The following HOXB3 variants were observed in gnomAD, a reference collection of about 807,000 sequenced individuals.
The protein encoded by HOXB3 is homeobox protein Hox-B3.
A neutral mutation model predicts 29.2 loss-of-function variants in HOXB3; 17 were observed. The ratio of observed to expected loss-of-function variants is 0.58; its 90% CI spans 0.40 to 0.87. The LOEUF is 0.87. Among genes scored for constraint, HOXB3 ranks in the 40% least tolerant of loss-of-function variants. The pLI is 0.00. For missense variants in HOXB3, 637 were observed against 616.3 expected (o/e 1.03, Z -0.35); for synonymous variants, 317 against 285.9 (o/e 1.11, Z -1.10).
At chr17:48,555,696 AC>A in intron 2 of HOXB3, 78 bp from the exon 3 acceptor site, 3 of 487,676 alleles carry the variant, frequency 6.2e-6, no homozygotes, top group South Asian at 5.0e-5. Flanking sequence ...CCGCAAAGCC[AC>A]CCCGGCTGGG....
intron 3 of HOXB3, 154 bp downstream of exon 3, chr17:48,555,361 AGAGGGAGGGAGGGAGG>A: frequency 2.4e-6 from 1 of 417,904 alleles, no homozygotes; most frequent in South Asian, 2.2e-5. Context: ...AGAGAGAGAG[AGAGGGAGGGAGGGAGG>A]GAGGGAGGGA....
intron 1 of HOXB3, among the ~76,000 whole-genome samples, chr17:48,586,422 A>AC (rs1269748107): frequency 6.6e-6 from 1 of 151,842 alleles, no homozygotes; most frequent in Non-Finnish European, 1.5e-5. Flanking sequence ...GCGTGCCCCC[A>AC]CCCCCGGTCT....
chr17:48,576,753 C>A, intron 1 of HOXB3: 2 of 1,611,692 alleles, frequency 1.2e-6, no homozygotes, highest in South Asian at 2.2e-5. Flanking sequence ...ATTGGGCCGG[C>A]CAGGGGGCCC....
At chr17:48,575,717 A>G (rs1476135748) in intron 1 of HOXB3, 1 of 144,986 alleles carries the variant, frequency 6.9e-6, no homozygotes, top group African/African-American at 2.8e-5. Flanking sequence ...AAACGATGCA[A>G]CATAATAAAC....
rs2068895611 is a variant in HOXB3 at position 48,554,790 on chromosome 17, T to G, written c.-159+741A>C. On this transcript the variant is annotated intron_variant, in intron 3 of 4. Coordinates refer to ENST00000498678, the MANE Select transcript of HOXB3 (RefSeq NM_001384749.1). This position sits in a 1 kb window ranked among gnomAD's most constrained non-coding sequence, Gnocchi z 4.1. ...CCGAATTAAAAGGCGCCTTAGAAAC[T>G]CCGCTTCGGGACTTTGCTCAGCAGG... is the stretch of plus-strand genomic sequence containing the variant. 1.4e-6 allele frequency: 1 copy of G among 702,062 alleles called. No individual in the cohort carries two copies. The highest frequency in any genetic ancestry group is 1.7e-5 in the African/African-American group (1 of 57,188). 43.5% of individuals were successfully genotyped at this position (702,062 alleles called of 1,614,324 possible).
chr17:48,564,065 C>A (rs1334099483), intron 2 of HOXB3, among the ~76,000 whole-genome samples: 1 of 151,988 alleles, frequency 6.6e-6, no homozygotes, highest in South Asian at 2.1e-4. Context: ...TTGAAGCCCC[C>A]ACCCTGCCTT....
chr17:48,550,800 T>G lies in HOXB3; in HGVS notation c.830A>C (p.Asn277Thr). 6 of 1,613,150 alleles carry G rather than the reference T, an allele frequency of 3.7e-6. No homozygotes were observed. Among genetic ancestry groups the G allele is most frequent in the Non-Finnish European group, 5.1e-6 (6 of 1,179,596 alleles). Reference sequence around the variant, plus strand: ...GCTGGGGGTCATGGAGTGTAAGGCGTTCATGAAGCCGGCCGTGGACTGCAT... The same window carrying G: ...GCTGGGGGTCATGGAGTGTAAGGCGGTCATGAAGCCGGCCGTGGACTGCAT... ...QPMQSTAGFM[N>T]ALHSMTPSYE... is the part of the protein sequence containing the mutation. The change falls in exon 5 of 5, where the codon AAC becomes ACC. Residue 277 changes from asparagine (N) to threonine (T), a missense_variant. Asn to Thr is a moderately conservative substitution (Grantham distance 65). Coordinates refer to ENST00000498678, the MANE Select transcript of HOXB3 (RefSeq NM_001384749.1).
intron 1 of HOXB3, chr17:48,579,139 T>C (rs76643088): frequency 5.9e-5 from 9 of 152,392 alleles, no homozygotes; most frequent in African/African-American, 1.4e-4. Flanking sequence ...CCTTCTCCTA[T>C]CCACTCCTCC....
chr17:48,554,819 C>T lies in HOXB3; in HGVS notation c.-159+712G>A. On this transcript the variant is annotated intron_variant, in intron 3 of 4. Transcript: ENST00000498678. The surrounding 1 kb of genome is among the most constrained non-coding windows in gnomAD (Gnocchi z 4.1). The stretch of plus-strand genomic sequence containing the variant: ...CTTCGGGACTTTGCTCAGCAGGGCT[C>T]CGGGTTGGAGGGCGCCGAGGCCTGG... 1 of 702,254 alleles carries T rather than the reference C, an allele frequency of 1.4e-6. No homozygotes were observed. The highest frequency in any genetic ancestry group is 2.6e-6 in the Non-Finnish European group (1 of 384,786). 43.5% of individuals were successfully genotyped at this position (702,254 alleles called of 1,614,324 possible).
At chr17:48,574,462 G>A (rs1455671913) in intron 1 of HOXB3, 1 of 152,278 alleles carries the variant, frequency 6.6e-6, no homozygotes, top group Non-Finnish European at 1.5e-5. Context: ...CCAACTACCG[G>A]AGCTGCAAGC....
intron 2 of HOXB3, among the ~76,000 whole-genome samples, chr17:48,571,179 T>C (rs1030687648): frequency 7.2e-5 from 11 of 152,214 alleles, no homozygotes; most frequent in Admixed American, 2.6e-4. Context: ...AGCGAACGTT[T>C]ACACTGTGAG....
intron 1 of HOXB3, chr17:48,578,009 G>C: frequency 7.8e-7 from 1 of 1,286,022 alleles, no homozygotes; most frequent in Non-Finnish European, 9.9e-7. Flanking sequence ...GCCGGGCTCC[G>C]GGAGGAGGGC....
chr17:48,578,543 C>G, intron 1 of HOXB3: 2 of 507,636 alleles, frequency 3.9e-6, no homozygotes, highest in Admixed American at 4.0e-5. Context: ...CTTCCCTTCC[C>G]CCTCCCCACC....
At chr17:48,564,189 C>T (rs1185091514) in intron 2 of HOXB3, among the ~76,000 whole-genome samples, 3 of 152,040 alleles carry the variant, frequency 2.0e-5, no homozygotes, top group African/African-American at 7.2e-5. Context: ...GCCCCGAGCG[C>T]CCCGGCTCCG....
chr17:48,554,712 C>T lies in HOXB3; in HGVS notation c.-159+819G>A, dbSNP rs1567948505. On this transcript the variant is annotated intron_variant, in intron 3 of 4. Coordinates refer to ENST00000498678, the MANE Select transcript of HOXB3 (RefSeq NM_001384749.1). The surrounding 1 kb of genome is among the most constrained non-coding windows in gnomAD (Gnocchi z 4.1). The stretch of plus-strand genomic sequence containing the variant: ...GGAGGCAGGTTCCCAGCACACCAGC[C>T]GGCCGAGGGCCGAGCCCCGCGGGCG... 1.6e-5 allele frequency: 11 copies of T among 702,346 alleles called. No individual in the cohort carries two copies. The highest frequency in any genetic ancestry group is 2.9e-5 in the Non-Finnish European group (11 of 384,830). 43.5% of individuals were successfully genotyped at this position (702,346 alleles called of 1,614,324 possible). A position where few individuals can be genotyped will look rare whatever the true frequency, so the allele number is the denominator to read the frequency against.
In HOXB3 at chr17:48,550,367, T is replaced by C; in HGVS notation, c.1263A>G (p.Arg421=). The C allele has an allele frequency of 6.2e-7, 1 of 1,614,112 alleles. No individual in the cohort carries two copies. Among genetic ancestry groups the C allele is most frequent in the Non-Finnish European group, 8.5e-7 (1 of 1,180,018 alleles). ...SSHHAPPPQG[R]IQEAPKLTHL ...GTGTTAATTTGGGCGCTTCTTGGAT[T>C]CTACCCTGAGGAGGAGGCGCGTGGT... Residue 421 remains arginine, a synonymous_variant, in exon 5 of 5, where the codon AGA becomes AGG. Coordinates refer to ENST00000498678, the MANE Select transcript of HOXB3 (RefSeq NM_001384749.1).
intron 1 of HOXB3, chr17:48,578,169 C>G (rs2069833133): frequency 2.5e-6 from 4 of 1,608,988 alleles, no homozygotes; most frequent in Non-Finnish European, 2.5e-6. Context: ...AAGCCCGCCT[C>G]CGGCTGGAAG....
chr17:48,558,440 G>A (rs2069077196), intron 2 of HOXB3, among the ~76,000 whole-genome samples: 1 of 152,190 alleles, frequency 6.6e-6, no homozygotes, highest in African/African-American at 2.4e-5. Context: ...ACCCCCAAAT[G>A]CGGTAGGAGA....
chr17:48,554,997 G>A lies in HOXB3; in HGVS notation c.-159+534C>T, dbSNP rs990966486. 3.3e-5 allele frequency among the ~76,000 whole-genome samples: 5 copies of A among 152,012 alleles called. No individual in the cohort carries two copies. Among genetic ancestry groups the A allele is most frequent in the African/African-American group, 1.2e-4 (5 of 41,390 alleles). Reference sequence around the variant, plus strand: ...AATTCAGGTTCCATATGGCTCCTCGGGAGGGAGGGAGGGAGACGGTGGCTG... The same window carrying A: ...AATTCAGGTTCCATATGGCTCCTCGAGAGGGAGGGAGGGAGACGGTGGCTG... On this transcript the variant is annotated intron_variant, in intron 3 of 4. Coordinates refer to ENST00000498678, the MANE Select transcript of HOXB3 (RefSeq NM_001384749.1). The surrounding 1 kb of genome is among the most constrained non-coding windows in gnomAD (Gnocchi z 4.1).
Sources: allele counts gnomAD v4.1 joint callset (sites outside exome capture counted in the v4.1 genomes callset), GRCh38; gene constraint gnomAD v4.1.1; non-coding constraint Gnocchi (gnomAD v3.1); transcripts MANE v1.5; gene names NCBI Gene and HGNC (gene_info 2026-07-23, HGNC 2026-07-21).